Variants in CABLES1 observed in about 807,000 individuals in gnomAD.
CABLES1 encodes CDK5 and ABL1 enzyme substrate 1.
CABLES1 carries 36 observed loss-of-function variants against 57.8 expected under a neutral mutation model. The observed-to-expected ratio is 0.62, with a 90% CI of 0.48 to 0.82. The LOEUF (loss-of-function observed/expected upper bound fraction) is 0.82, where lower values mean the gene tolerates loss of function less well. Among genes scored for constraint, CABLES1 ranks in the 40% least tolerant of loss-of-function variants. CABLES1 has a pLI of 0.00. For missense variants in CABLES1, 767 were observed against 836.6 expected, an observed-to-expected ratio of 0.92 and a Z score of 1.03; for synonymous variants, 374 against 363.0, an observed-to-expected ratio of 1.03 and a Z score of -0.35.
chr18:23,239,438 G>C (rs1459743997), intron 7 of CABLES1, among the ~76,000 whole-genome samples: 2 of 152,144 alleles, frequency 1.3e-5, no homozygotes, highest in African/African-American at 2.4e-5. Flanking sequence ...CAGAATTCTC[G>C]TCTAAGTTCT....
At chr18:23,147,880 G>A (rs1205467023) in intron 1 of CABLES1, among the ~76,000 whole-genome samples, 1 of 152,148 alleles carries the variant, frequency 6.6e-6, no homozygotes, top group South Asian at 2.1e-4. Context: ...GCTGGGGGAG[G>A]GCTACCTCCA....
chr18:23,234,538 A>C (rs1598844248), intron 4 of CABLES1, 70 bp from the exon 5 acceptor site: 1 of 1,076,018 alleles, frequency 9.3e-7, no homozygotes. Flanking sequence ...TGTCTCATGG[A>C]GTAAGCATCC....
upstream of CABLES1, among the ~76,000 whole-genome samples, chr18:23,135,148 C>G (rs2046808079): frequency 1.3e-5 from 2 of 151,732 alleles, no homozygotes; most frequent in African/African-American, 4.9e-5. Flanking sequence ...CTCGCTCACC[C>G]AATTCCCAGT....
intron 3 of CABLES1, among the ~76,000 whole-genome samples, chr18:23,195,012 A>C (rs1034432711): frequency 6.6e-6 from 1 of 152,162 alleles, no homozygotes; most frequent in South Asian, 2.1e-4. Context: ...TTGCTGGCAG[A>C]TTCTTCCTCA....
intron 4 of CABLES1, among the ~76,000 whole-genome samples, chr18:23,225,433 C>CT (rs891218592): frequency 2.7e-3 from 391 of 146,658 alleles, no homozygotes; most frequent in East Asian, 9.9e-3. Flanking sequence ...TCCTTCCAGT[C>CT]TTTTTTTTTT....
chr18:23,145,988 G>C (rs1033683999), intron 1 of CABLES1, among the ~76,000 whole-genome samples: 2 of 152,036 alleles, frequency 1.3e-5, no homozygotes, highest in African/African-American at 4.8e-5. Context: ...TAAAGCACAG[G>C]GTATATGTAA....
chr18:23,140,277 A>G (rs1230210777), intron 1 of CABLES1, among the ~76,000 whole-genome samples: 1 of 152,158 alleles, frequency 6.6e-6, no homozygotes, highest in Non-Finnish European at 1.5e-5. Flanking sequence ...CTTCCTTGCA[A>G]CCAGCAGTTG....
At position 23,235,991 on chromosome 18, in the gene CABLES1, C is replaced by A. The variant is rs1300675358; in HGVS notation, c.1282C>A (p.Leu428Met). ...CTCCTCTTTCTCCCAGTTCCGTAAC[C>A]TGAGCCACCGCAGCCTCTCCATAGG... is the stretch of plus-strand genomic sequence containing the variant. ...STSSFSQFRN[L>M]SHRSLSIGRA... The change falls in exon 6 of 10, where the codon CTG becomes ATG. Residue 428 changes from leucine (L) to methionine (M), a missense_variant. Leu to Met is a conservative substitution (Grantham distance 15). Around this residue, in one of 4 missense-constraint regions of CABLES1, gnomAD observed 529 missense variants for 622.8 expected, o/e 0.85. Transcript: ENST00000256925. The A allele has an allele frequency of 1.2e-6, 2 of 1,614,232 alleles. No homozygotes were observed. Among genetic ancestry groups the A allele is most frequent in the East Asian group, 4.5e-5 (2 of 44,884 alleles).
chr18:23,256,196 C>T (rs921805586), intron 9 of CABLES1, among the ~76,000 whole-genome samples: 53 of 152,252 alleles, frequency 3.5e-4, no homozygotes, highest in African/African-American at 1.1e-3. Flanking sequence ...GGGTTGACGC[C>T]AAGGCAGAAT....
chr18:23,210,376 T>G (rs1269146397), intron 3 of CABLES1, among the ~76,000 whole-genome samples: 1 of 152,178 alleles, frequency 6.6e-6, no homozygotes, highest in Non-Finnish European at 1.5e-5. Flanking sequence ...ACCGCCGTGG[T>G]TGGAGGCAAA....
At chr18:23,135,251 C>T (rs962208487), upstream of CABLES1, among the ~76,000 whole-genome samples, 1 of 152,180 alleles carries the variant, frequency 6.6e-6, no homozygotes, top group East Asian at 1.9e-4. Context: ...TCCGACAACC[C>T]GGACAGCCGG....
intron 1 of CABLES1, among the ~76,000 whole-genome samples, chr18:23,163,820 G>T (rs2047022117): frequency 6.6e-6 from 1 of 152,198 alleles, no homozygotes; most frequent in African/African-American, 2.4e-5. Flanking sequence ...CCGCATGGAG[G>T]AGCGTGGCTC....
intron 1 of CABLES1, among the ~76,000 whole-genome samples, chr18:23,184,792 G>A (rs2047191172): frequency 6.6e-6 from 1 of 152,208 alleles, no homozygotes; most frequent in Non-Finnish European, 1.5e-5. Context: ...CATGGTTGGG[G>A]TCAGATGAGG....
chr18:23,144,334 A>C (rs1475044591), intron 1 of CABLES1, among the ~76,000 whole-genome samples: 2 of 152,238 alleles, frequency 1.3e-5, no homozygotes, highest in Non-Finnish European at 2.9e-5. Context: ...AAGAGGAGGA[A>C]AATTTGATTC....
chr18:23,178,887 A>G (rs1256364120), intron 1 of CABLES1, among the ~76,000 whole-genome samples: 1 of 152,230 alleles, frequency 6.6e-6, no homozygotes, highest in Non-Finnish European at 1.5e-5. Flanking sequence ...AAATGTAGAA[A>G]CAGACCTTAT....
chr18:23,159,972 G>C (rs565378027), intron 1 of CABLES1, among the ~76,000 whole-genome samples: 28 of 151,014 alleles, frequency 1.9e-4, no homozygotes, highest in Middle Eastern at 3.4e-3. Flanking sequence ...ACTTGTCTAT[G>C]GCTACTTTGA....
At chr18:23,237,351 T>A in intron 7 of CABLES1, 106 bp downstream of exon 7, 5 of 795,038 alleles carry the variant, frequency 6.3e-6, no homozygotes, top group Non-Finnish European at 1.1e-5. Context: ...CTGGGGGACC[T>A]TCATGAGGAG....
At chr18:23,238,952 G>A (rs749498781) in intron 7 of CABLES1, among the ~76,000 whole-genome samples, 23 of 152,216 alleles carry the variant, frequency 1.5e-4, no homozygotes, top group Non-Finnish European at 2.6e-4. Context: ...GTAACCAAGA[G>A]AATAGGAAGG....
rs147984743 is a variant in CABLES1, at chr18:23,191,906, T to TA, written c.918-2507dup. On this transcript the variant is annotated intron_variant, in intron 2 of 9. Transcript: ENST00000256925. ...TTCCCTGGTGATTTGGTTGAATGCT[T>TA]AAAAAAAAAAAAAAAAAAAAAAAAA... is the stretch of plus-strand genomic sequence containing the variant. 1.7e-3 allele frequency among the ~76,000 whole-genome samples: 138 copies of TA among 82,574 alleles called. 4 individuals are homozygous for TA. The highest frequency in any genetic ancestry group is 5.0e-3 in the African/African-American group (102 of 20,600). The allele number at this position is 82,574 out of a possible 152,430, so 54.2% of individuals were successfully genotyped here.
Sources: gnomAD v4.1 joint callset for allele counts (sites outside exome capture counted in the v4.1 genomes callset) on GRCh38, gnomAD v4.1.1 for gene constraint, gnomAD v4.1.1 regional missense constraint, MANE v1.5 for transcripts, NCBI Gene and HGNC (gene_info 2026-07-23, HGNC 2026-07-21) for gene names.